The following GRID2 variants were observed in gnomAD, a reference collection of about 807,000 sequenced individuals.
GRID2 encodes the protein glutamate receptor ionotropic, delta-2.
Under a neutral mutation model 114.8 loss-of-function variants are expected in GRID2, and 33 were observed. The ratio of observed to expected loss-of-function variants is 0.29; its 90% CI spans 0.22 to 0.38. The LOEUF (loss-of-function observed/expected upper bound fraction) is 0.38. GRID2 is among the 10% of genes least tolerant of loss of function. The pLI is 1.00. For missense variants in GRID2, 1,184 were observed against 1,257.7 expected (o/e 0.94, Z 0.89); for synonymous variants, 505 against 449.9 (o/e 1.12, Z -1.55).
intron 13 of GRID2, among the ~76,000 whole-genome samples, chr4:93,545,426 T>C (rs1049407414): frequency 1.3e-5 from 2 of 151,972 alleles, no homozygotes; most frequent in South Asian, 2.1e-4. Context: ...CAAGAATGAG[T>C]TTGTCATATG....
chr4:93,315,676 A>G (rs1267242531), intron 8 of GRID2, among the ~76,000 whole-genome samples: 1 of 152,186 alleles, frequency 6.6e-6, no homozygotes, highest in East Asian at 1.9e-4. Flanking sequence ...CATTGTAGGC[A>G]CTTAATAAAT....
Position 93,772,153 on chromosome 4 carries a change from A to G in GRID2, c.2679A>G (p.Lys893=). 6.2e-7 allele frequency: 1 copy of G among 1,613,284 alleles called. No homozygotes were observed. The highest frequency in any genetic ancestry group is 8.5e-7 in the Non-Finnish European group (1 of 1,179,300). The change falls in exon 16 of 16, where the codon AAA becomes AAG. Residue 893 remains lysine, a synonymous_variant. Transcript: ENST00000282020. The part of the protein sequence containing the change: ...SLCTDDDSPH[K]QFSTSSIDLT... ...GCACAGATGACGACAGCCCCCATAA[A>G]CAGTTTTCCACCTCGTCAATTGATT...
chr4:93,353,244 C>A (rs544230554), intron 8 of GRID2, among the ~76,000 whole-genome samples: 1 of 151,924 alleles, frequency 6.6e-6, no homozygotes, highest in Non-Finnish European at 1.5e-5. Context: ...AATAGGAGAG[C>A]TGTCACCAGA....
chr4:92,672,461 C>T (rs958306313), intron 2 of GRID2, among the ~76,000 whole-genome samples: 33 of 152,172 alleles, frequency 2.2e-4, no homozygotes, highest in South Asian at 1.0e-3. Flanking sequence ...TTACAGCTTT[C>T]TCCAGTCTTT....
intron 2 of GRID2, among the ~76,000 whole-genome samples, chr4:92,798,774 A>G (rs1740011298): frequency 6.6e-6 from 1 of 152,026 alleles, no homozygotes; most frequent in Non-Finnish European, 1.5e-5. Flanking sequence ...TGCAAAGTAG[A>G]TGTTCTCCTC....
intron 2 of GRID2, among the ~76,000 whole-genome samples, chr4:92,919,816 A>G (rs952925363): frequency 8.5e-5 from 13 of 152,152 alleles, no homozygotes; most frequent in African/African-American, 2.9e-4. Flanking sequence ...TGCTGAGAAG[A>G]ATGTATATTC....
At chr4:92,463,851 T>G (rs1468600115) in intron 1 of GRID2, among the ~76,000 whole-genome samples, 1 of 152,098 alleles carries the variant, frequency 6.6e-6, no homozygotes, top group Non-Finnish European at 1.5e-5. Flanking sequence ...GATTCATTGA[T>G]GTCTATGGAC....
intron 1 of GRID2, among the ~76,000 whole-genome samples, chr4:92,493,283 G>A (rs1432347668): frequency 2.6e-5 from 4 of 152,152 alleles, no homozygotes; most frequent in South Asian, 4.1e-4. Context: ...ACAGACTCCC[G>A]ACTCTACAAA....
At chr4:93,627,464 C>A (rs527849373) in intron 14 of GRID2, among the ~76,000 whole-genome samples, 1 of 152,274 alleles carries the variant, frequency 6.6e-6, no homozygotes, top group East Asian at 1.9e-4. Flanking sequence ...TCTCTCATGA[C>A]ATGCAAAATG....
At chr4:92,613,042 T>C (rs1007944345) in intron 2 of GRID2, among the ~76,000 whole-genome samples, 1 of 151,482 alleles carries the variant, frequency 6.6e-6, no homozygotes, top group African/African-American at 2.4e-5. Flanking sequence ...GCTTTAAATA[T>C]GATGTTAGCT....
intron 2 of GRID2, among the ~76,000 whole-genome samples, chr4:92,686,712 T>C (rs1733924227): frequency 6.6e-6 from 1 of 151,964 alleles, no homozygotes; most frequent in Admixed American, 6.6e-5. Flanking sequence ...TTATTTTTAT[T>C]CTTTAAAATT....
chr4:92,750,595 A>G (rs1578142328), intron 2 of GRID2, among the ~76,000 whole-genome samples: 1 of 152,166 alleles, frequency 6.6e-6, no homozygotes, highest in South Asian at 2.1e-4. Flanking sequence ...AGGCGACACT[A>G]TGGGGAATAG....
chr4:93,040,168 A>T (rs993638362), intron 2 of GRID2, among the ~76,000 whole-genome samples: 5 of 152,060 alleles, frequency 3.3e-5, no homozygotes, highest in African/African-American at 1.2e-4. Context: ...ATAAACACTC[A>T]ATTTCATTTA....
chr4:93,150,651 A>G (rs1233095048), intron 4 of GRID2, among the ~76,000 whole-genome samples: 1 of 151,980 alleles, frequency 6.6e-6, no homozygotes, highest in Non-Finnish European at 1.5e-5. Flanking sequence ...AGCTGGTTCC[A>G]TCTGCATTTT....
chr4:93,727,672 C>T (rs1258284482), intron 14 of GRID2, among the ~76,000 whole-genome samples: 1 of 152,056 alleles, frequency 6.6e-6, no homozygotes, highest in African/African-American at 2.4e-5. Context: ...GATCCTGTTA[C>T]TGGTCTATTC....
chr4:92,322,729 G>T (rs1017881836), intron 1 of GRID2, among the ~76,000 whole-genome samples: 2 of 151,940 alleles, frequency 1.3e-5, no homozygotes. Context: ...TCTTTCAATC[G>T]CCAATAATTC....
chr4:92,752,288 G>C (rs1040654705), intron 2 of GRID2, among the ~76,000 whole-genome samples: 2 of 152,056 alleles, frequency 1.3e-5, no homozygotes, highest in African/African-American at 4.8e-5. Flanking sequence ...AGTATTTCTT[G>C]TTTCAAACAA....
At chr4:92,537,809 G>GTA (rs1725728269) in intron 1 of GRID2, among the ~76,000 whole-genome samples, 1 of 151,370 alleles carries the variant, frequency 6.6e-6, no homozygotes, top group Non-Finnish European at 1.5e-5. Context: ...GTGTGTGTGT[G>GTA]TGTGTGTGTG....
chr4:93,252,347 T>TC lies in GRID2; in HGVS notation c.1245+13857_1245+13858insC, dbSNP rs1554018054. 3.5e-4 allele frequency among the ~76,000 whole-genome samples: 53 copies of TC among 149,514 alleles called. 1 individual carries two copies. The highest frequency in any genetic ancestry group is 1.3e-3 in the African/African-American group (52 of 40,600). ...ATCCTTCATTTTTTTTTTTTTTTTT[T>TC]GGTTAGGTTTGTCAAAGATCAGATC... is the stretch of plus-strand genomic sequence containing the variant. On this transcript the variant is annotated intron_variant, in intron 8 of 15. Transcript: ENST00000282020.
Sources: gnomAD v4.1 joint callset for allele counts (sites outside exome capture counted in the v4.1 genomes callset) on GRCh38, gnomAD v4.1.1 for gene constraint, MANE v1.5 for transcripts, NCBI Gene and HGNC (gene_info 2026-07-23, HGNC 2026-07-21) for gene names.